The following TRIM14 variants were observed in gnomAD, a reference collection of about 807,000 sequenced individuals.
TRIM14 encodes tripartite motif-containing protein 14.
Under a neutral mutation model 44.5 loss-of-function variants are expected in TRIM14, and 28 were observed. The observed-to-expected ratio is 0.63, with a 90% CI of 0.47 to 0.86. TRIM14 has a LOEUF of 0.86. Among genes scored for constraint, TRIM14 ranks in the 40% least tolerant of loss-of-function variants. The pLI, the probability that TRIM14 is intolerant of heterozygous loss-of-function variation, is 0.00. For synonymous variants in TRIM14, 299 were observed against 269.2 expected (o/e 1.11, Z -1.08); for missense variants, 607 against 611.1 (o/e 0.99, Z 0.07).
chr9:98,074,111 T>C (rs1415783594), intron 6 of TRIM14, among the ~76,000 whole-genome samples: 1 of 152,168 alleles, frequency 6.6e-6, no homozygotes. Flanking sequence ...CTGAGTCGAA[T>C]AAGTTTGGGA....
At chr9:98,053,435 G>A in the TRIM14 span, among the ~76,000 whole-genome samples, 1 of 152,134 alleles carries the variant, frequency 6.6e-6, no homozygotes, top group African/African-American at 2.4e-5. Context: ...TAAGTGACCA[G>A]CCTGCTGAAC....
At chr9:98,054,344 A>T in the TRIM14 span, among the ~76,000 whole-genome samples, 1 of 151,954 alleles carries the variant, frequency 6.6e-6, no homozygotes, top group Non-Finnish European at 1.5e-5. Flanking sequence ...CCTATTCTCC[A>T]TCTGAGAAGT....
chr9:98,112,567 G>A (rs987702183), intron 1 of TRIM14, among the ~76,000 whole-genome samples: 1 of 152,088 alleles, frequency 6.6e-6, no homozygotes, highest in South Asian at 2.1e-4. Context: ...TTGGGAGGCC[G>A]AGGCAGGCAG....
At chr9:98,042,102 G>A in the TRIM14 span, among the ~76,000 whole-genome samples, 1 of 151,478 alleles carries the variant, frequency 6.6e-6, no homozygotes, top group African/African-American at 2.4e-5. Flanking sequence ...GACCATCCTG[G>A]CTAATCTGGT....
At chr9:98,044,368 CTTTTT>C in the TRIM14 span, among the ~76,000 whole-genome samples, 2,799 of 110,474 alleles carry the variant, frequency 0.025, 96 homozygotes, top group African/African-American at 0.095. Context: ...TGCCCTTTCT[CTTTTT>C]TTTTTTTTTT....
At chr9:98,074,557 A>C (rs896899618) in intron 6 of TRIM14, 2 of 152,164 alleles carry the variant, frequency 1.3e-5, no homozygotes, top group African/African-American at 4.8e-5. Context: ...AGTTTTCTAA[A>C]TGTCCACTGG....
At chr9:98,070,685 G>A (rs890157630) in intron 6 of TRIM14, among the ~76,000 whole-genome samples, 6 of 152,060 alleles carry the variant, frequency 3.9e-5, no homozygotes, top group Non-Finnish European at 5.9e-5. Flanking sequence ...CTCCCAAAGT[G>A]CTGGGATTAC....
chr9:98,078,985 T>C (rs924674580), intron 6 of TRIM14, among the ~76,000 whole-genome samples: 7 of 152,156 alleles, frequency 4.6e-5, no homozygotes, highest in African/African-American at 1.7e-4. Flanking sequence ...TTCTTGAAAC[T>C]TCCTGGCTTT....
At chr9:98,039,388 T>A in the TRIM14 span, among the ~76,000 whole-genome samples, 1 of 152,308 alleles carries the variant, frequency 6.6e-6, no homozygotes, top group South Asian at 2.1e-4. Flanking sequence ...GCTGTCCTTG[T>A]TCATTCCTGG....
chr9:98,080,856 C>G, downstream of TRIM14: 1 of 1,610,548 alleles, frequency 6.2e-7, no homozygotes, highest in Non-Finnish European at 8.5e-7. Context: ...ATAGGGTATT[C>G]TGGGCATGAA....
chr9:98,051,036 A>C, the TRIM14 span, among the ~76,000 whole-genome samples: 1 of 152,186 alleles, frequency 6.6e-6, no homozygotes, highest in Middle Eastern at 3.4e-3. Flanking sequence ...GGCCTCCCAA[A>C]GTGCTGGGAT....
intron 4 of TRIM14, chr9:98,092,410 C>T (rs533129705): frequency 2.0e-5 from 6 of 301,476 alleles, no homozygotes; most frequent in Non-Finnish European, 4.1e-5. Flanking sequence ...ACTTGCTGTG[C>T]CCTCTGCCTG....
chr9:98,041,783 C>G, the TRIM14 span, among the ~76,000 whole-genome samples: 2 of 150,816 alleles, frequency 1.3e-5, no homozygotes, highest in Non-Finnish European at 3.0e-5. Flanking sequence ...CCCAGGTTCA[C>G]GCCATTCTCC....
At chr9:98,055,593 G>A in the TRIM14 span, among the ~76,000 whole-genome samples, 1 of 152,088 alleles carries the variant, frequency 6.6e-6, no homozygotes, top group African/African-American at 2.4e-5. Context: ...ATTTGGGGAG[G>A]GTCAGAATCT....
chr9:98,094,878 C>T lies in TRIM14; in HGVS notation c.689G>A (p.Arg230His), dbSNP rs551029194. 12 of 1,613,608 alleles carry T rather than the reference C, an allele frequency of 7.4e-6. No individual in the cohort carries two copies. In the South Asian group the frequency reaches 9.9e-5, roughly 13 times the overall value. ...ACTCGGCGACTTACTTTCCTTAAGG[C>T]GAATGTCCAATGGCGTCTGTAATGT... ...ESTLQTPLDI[R>H]LKESINCQLS... The change falls in exon 4 of 6, where the codon CGC becomes CAC. Residue 230 changes from arginine to histidine, a missense_variant. Arg to His is a conservative substitution (Grantham distance 29). Transcript: ENST00000341469.
the TRIM14 span, among the ~76,000 whole-genome samples, chr9:98,048,977 G>T: frequency 6.0e-5 from 9 of 151,160 alleles, no homozygotes; most frequent in Admixed American, 5.9e-4. Flanking sequence ...CCGAGATCAT[G>T]CCACTGCATC....
intron 5 of TRIM14, among the ~76,000 whole-genome samples, chr9:98,088,685 A>G (rs10818472): frequency 0.22 from 33,978 of 152,254 alleles, 4,060 homozygotes; most frequent in Admixed American, 0.28. Flanking sequence ...TGGACGCATA[A>G]CTTAGTCCTC....
chr9:98,083,116 G>A, downstream of TRIM14: 3 of 1,528,744 alleles, frequency 2.0e-6, no homozygotes, highest in East Asian at 2.3e-5. Flanking sequence ...GTGTGTTTGA[G>A]TGAGGCGAGG....
At chr9:98,098,502 G>A (rs1335382190) in intron 3 of TRIM14, among the ~76,000 whole-genome samples, 2 of 152,014 alleles carry the variant, frequency 1.3e-5, no homozygotes, top group Admixed American at 6.6e-5. Context: ...ACGAGGTCAG[G>A]AGATGGAGAC....
Sources: allele counts gnomAD v4.1 joint callset (sites outside exome capture counted in the v4.1 genomes callset), GRCh38; gene constraint gnomAD v4.1.1; transcripts MANE v1.5; gene names NCBI Gene and HGNC (gene_info 2026-07-23, HGNC 2026-07-21).